ZSCAN25: variants seen among roughly 807,000 people sequenced by gnomAD.
ZSCAN25 encodes zinc finger and SCAN domain containing 25.
ZSCAN25 carries 27 observed loss-of-function variants against 38.7 expected under a neutral mutation model. The ratio of observed to expected loss-of-function variants is 0.70; its 90% CI spans 0.51 to 0.96. The LOEUF is 0.96. ZSCAN25 is among the 40% of genes least tolerant of loss of function. The probability of loss-of-function intolerance (pLI) is 0.00; values close to 1 mark genes in which losing one functional copy is unlikely to be tolerated. For missense variants in ZSCAN25, 637 were observed against 705.9 expected, an observed-to-expected ratio of 0.90 and a Z score of 1.11; for synonymous variants, 273 against 277.7, an observed-to-expected ratio of 0.98 and a Z score of 0.17.
At position 99,629,974 on chromosome 7, in the gene ZSCAN25, A is replaced by G. The variant is rs763735749; in HGVS notation, c.1589A>G (p.Asn530Ser). 6 of 1,604,260 alleles carry G rather than the reference A, an allele frequency of 3.7e-6. No individual in the cohort carries two copies. Among genetic ancestry groups the G allele is most frequent in the East Asian group, 2.2e-5 (1 of 44,494 alleles). The change falls in exon 8 of 8, where the codon AAC becomes AGC. Residue 530 changes from asparagine to serine, a missense_variant. By Grantham distance (46) the Asn-to-Ser change is conservative. Coordinates refer to ENST00000394152, the MANE Select transcript of ZSCAN25 (RefSeq NM_145115.3). The surrounding 1 kb of genome is among the most constrained non-coding windows in gnomAD (Gnocchi z 5.6). ...AGCTTCAACCAGAGGTCCATCCTCA[A>G]CCGGCACCAGAAGACCCAGCACCGC... ...GRSFNQRSIL[N>S]RHQKTQHRQE...
chr7:99,724,784 C>T, the ZSCAN25 span, among the ~76,000 whole-genome samples: 3 of 152,158 alleles, frequency 2.0e-5, no homozygotes, highest in African/African-American at 7.2e-5. Flanking sequence ...CTCTATCGAC[C>T]TCTCCCAGAT....
At chr7:99,737,701 A>T in the ZSCAN25 span, among the ~76,000 whole-genome samples, 2 of 152,186 alleles carry the variant, frequency 1.3e-5, no homozygotes, top group Non-Finnish European at 2.9e-5. Context: ...TTATTCTAAG[A>T]TGAAGATTTA....
downstream of ZSCAN25, among the ~76,000 whole-genome samples, chr7:99,636,617 C>T (rs974771926): frequency 6.6e-6 from 1 of 152,204 alleles, no homozygotes; most frequent in Non-Finnish European, 1.5e-5. Context: ...TGTATACTGC[C>T]TTTGCAGTCT....
intron 6 of ZSCAN25, 66 bp downstream of exon 6, chr7:99,622,706 G>A (rs1021166727): frequency 6.7e-7 from 1 of 1,483,642 alleles, no homozygotes; most frequent in African/African-American, 1.4e-5. Flanking sequence ...CTTCCCCAAG[G>A]TTTCTCTGCA....
At position 99,631,959 on chromosome 7, in the gene ZSCAN25, C is replaced by T; in HGVS notation, c.*1939C>T. On this transcript the variant is annotated 3_prime_UTR_variant, in exon 8 of 8. Transcript: ENST00000394152. ...ACAGCCAGGCAGACTCAGTGGGAGG[C>T]TTCTGGCCTGAGTGTGGCCTTCCCC... 1.0e-6 allele frequency: 1 copy of T among 985,482 alleles called. No individual in the cohort carries two copies. The highest frequency in any genetic ancestry group is 1.2e-6 in the Non-Finnish European group (1 of 829,978). 61.0% of individuals were successfully genotyped at this position (985,482 alleles called of 1,614,324 possible).
the ZSCAN25 span, chr7:99,707,701 C>T: frequency 2.0e-6 from 3 of 1,528,602 alleles, no homozygotes; most frequent in Non-Finnish European, 2.7e-6. Flanking sequence ...TTCCTTGGCC[C>T]ATAGAACAAA....
the ZSCAN25 span, among the ~76,000 whole-genome samples, chr7:99,736,876 G>T: frequency 5.3e-4 from 81 of 152,184 alleles, 2 homozygotes; most frequent in East Asian, 0.015. Flanking sequence ...GGTATGTGCC[G>T]GGAGCCACAT....
At chr7:99,635,983 C>T (rs948586691), downstream of ZSCAN25, among the ~76,000 whole-genome samples, 3 of 141,986 alleles carry the variant, frequency 2.1e-5, no homozygotes, top group Admixed American at 2.3e-4. Context: ...GGAGGCAGAG[C>T]TTGCAGTGAG....
the ZSCAN25 span, chr7:99,713,626 A>T: frequency 6.4e-7 from 1 of 1,569,548 alleles, no homozygotes. Context: ...CCCTTCTGAG[A>T]ATATAGCCCC....
At chr7:99,662,722 C>T in the ZSCAN25 span, 1 of 1,263,816 alleles carries the variant, frequency 7.9e-7, no homozygotes, top group East Asian at 2.3e-5. This position sits in a 1 kb window ranked among gnomAD's most constrained non-coding sequence, Gnocchi z 4.3. Context: ...GGCAAAAATT[C>T]TCATCTTCCT....
At chr7:99,648,303 A>G in the ZSCAN25 span, 1 of 1,610,590 alleles carries the variant, frequency 6.2e-7, no homozygotes, top group Non-Finnish European at 8.5e-7. Context: ...CCTTAGAATA[A>G]CTCATTCTCC....
chr7:99,729,332 C>T, the ZSCAN25 span, among the ~76,000 whole-genome samples: 1 of 152,144 alleles, frequency 6.6e-6, no homozygotes, highest in Non-Finnish European at 1.5e-5. Context: ...AATTCCTATT[C>T]CTTGTAACTC....
the ZSCAN25 span, among the ~76,000 whole-genome samples, chr7:99,643,288 G>A: frequency 6.6e-6 from 1 of 151,984 alleles, no homozygotes; most frequent in South Asian, 2.1e-4. Context: ...ATCTAGAAAG[G>A]CGTTTGCCAT....
the ZSCAN25 span, among the ~76,000 whole-genome samples, chr7:99,721,506 AG>A: frequency 6.6e-6 from 1 of 152,186 alleles, no homozygotes; most frequent in African/African-American, 2.4e-5. Context: ...ATGTGATAAA[AG>A]GGCATCAAGG....
At chr7:99,627,404 A>C (rs1478718425) in intron 7 of ZSCAN25, among the ~76,000 whole-genome samples, 1 of 152,204 alleles carries the variant, frequency 6.6e-6, no homozygotes, top group African/African-American at 2.4e-5. Flanking sequence ...CAGTCAAATT[A>C]ATAAGTAGGT....
the ZSCAN25 span, among the ~76,000 whole-genome samples, chr7:99,721,770 T>C: frequency 6.6e-6 from 1 of 152,190 alleles, no homozygotes; most frequent in Non-Finnish European, 1.5e-5. Context: ...AGTGTGTCTG[T>C]GTGCCTATGT....
At chr7:99,661,267 A>T in the ZSCAN25 span, among the ~76,000 whole-genome samples, 4 of 152,168 alleles carry the variant, frequency 2.6e-5, no homozygotes, top group South Asian at 8.3e-4. Flanking sequence ...AGAATCTCAA[A>T]CCCCACCATC....
At chr7:99,711,826 C>T in the ZSCAN25 span, among the ~76,000 whole-genome samples, 22 of 151,924 alleles carry the variant, frequency 1.4e-4, no homozygotes, top group African/African-American at 5.1e-4. Context: ...AATCTCAAAC[C>T]CCACCATTGA....
the ZSCAN25 span, chr7:99,730,994 A>G: frequency 6.3e-7 from 1 of 1,589,324 alleles, no homozygotes; most frequent in East Asian, 2.2e-5. Context: ...AAGCATTTTT[A>G]CTGATGGAAC....
Sources: gnomAD v4.1 joint callset for allele counts (sites outside exome capture counted in the v4.1 genomes callset) on GRCh38, gnomAD v4.1.1 for gene constraint, Gnocchi (gnomAD v3.1) non-coding constraint, MANE v1.5 for transcripts, NCBI Gene and HGNC (gene_info 2026-07-23, HGNC 2026-07-21) for gene names.